PRX: variants seen among roughly 807,000 people sequenced by gnomAD.
The protein encoded by PRX is periaxin.
PRX carries 24 observed loss-of-function variants against 29.6 expected under a neutral mutation model. The ratio of observed to expected loss-of-function variants is 0.81; its 90% CI spans 0.59 to 1.14. The LOEUF is 1.14. Ranked by LOEUF, PRX falls within the 50% of genes most tolerant of loss-of-function variation. The probability of loss-of-function intolerance (pLI) is 0.00; values close to 1 mark genes in which losing one functional copy is unlikely to be tolerated. For missense variants in PRX, 1,838 were observed against 1,926.4 expected (o/e 0.95, Z 0.86); for synonymous variants, 772 against 831.7 (o/e 0.93, Z 1.24).
chr19:40,396,456 A>T lies in PRX; in HGVS notation c.1896T>A (p.Pro632=), dbSNP rs2079438098. 6.2e-7 allele frequency: 1 copy of T among 1,610,228 alleles called. No homozygotes were observed. Among genetic ancestry groups the T allele is most frequent in the African/African-American group, 1.4e-5 (1 of 73,436 alleles). ...GTTTCACCTCAGGGAGTTTCATCTC[A>T]GGGAGCTTCATCTCTGGGACTTTTG... The part of the protein sequence containing the change: ...QLPKVPEMKL[P]EMKLPEVKLP... The change falls in exon 7 of 7, where the codon CCT becomes CCA. Residue 632 remains proline (P), a synonymous_variant. Coordinates refer to ENST00000324001, the MANE Select transcript of PRX (RefSeq NM_181882.3).
In PRX at chr19:40,403,786, G is replaced by A. The variant is rs138047753; in HGVS notation, c.104C>T (p.Ala35Val). The A allele has an allele frequency of 1.4e-5, 23 of 1,606,328 alleles. No homozygotes were observed. The highest frequency in any genetic ancestry group is 8.4e-5 in the Admixed American group (5 of 59,402). ...AQTGVSGINV[A>V]GGGKEGIFVR... ...GAAGATTCCCTCTTTGCCGCCGCCC[G>A]CTACGTTGATGCCGCTGACCCCGGT... Residue 35 changes from alanine (A) to valine (V), a missense_variant, in exon 5 of 7, where the codon GCG (alanine) becomes GTG (valine). Ala to Val is a moderately conservative substitution (Grantham distance 64). Transcript: ENST00000324001.
chr19:40,404,484 A>G (rs962467520), intron 4 of PRX, among the ~76,000 whole-genome samples: 2 of 152,048 alleles, frequency 1.3e-5, no homozygotes, highest in African/African-American at 4.8e-5. Flanking sequence ...GAAGAGCCAA[A>G]TGGGGTATAG....
chr19:40,405,355 G>A (rs1447549796), intron 4 of PRX, among the ~76,000 whole-genome samples: 2 of 152,108 alleles, frequency 1.3e-5, no homozygotes, highest in African/African-American at 4.8e-5. Flanking sequence ...GGTAACATAG[G>A]CATACTGGAA....
intron 4 of PRX, among the ~76,000 whole-genome samples, chr19:40,404,989 G>A (rs1954639246): frequency 6.6e-6 from 1 of 152,144 alleles, no homozygotes; most frequent in African/African-American, 2.4e-5. Flanking sequence ...GGACCTTCAA[G>A]CCCTCTGGGA....
At position 40,403,829 on chromosome 19, in the gene PRX, CG is replaced by C; in HGVS notation, c.60del (p.Ile20MetfsTer15). On this transcript the variant is annotated frameshift_variant, in exon 5 of 7. Coordinates refer to ENST00000324001, the MANE Select transcript of PRX (RefSeq NM_181882.3). LOFTEE classifies it high-confidence loss of function. Reference sequence around the variant, plus strand: ...ACCCCGGTCTGCGCCTCCGTCTCCACGATAATTTCCACCAACTCCGCCCGCC... The same window carrying C: ...ACCCCGGTCTGCGCCTCCGTCTCCACATAATTTCCACCAACTCCGCCCGCC... ...ELRRAELVEI[I>X]VETEAQTGVS... 6.2e-7 allele frequency: 1 copy of C among 1,606,502 alleles called. No homozygotes were observed. Among genetic ancestry groups the C allele is most frequent in the Non-Finnish European group, 8.5e-7 (1 of 1,178,484 alleles).
Position 40,395,353 on chromosome 19 carries a change from G to A in PRX, c.2999C>T (p.Ala1000Val), listed in dbSNP as rs765924621. The change falls in exon 7 of 7, where the codon GCC (alanine) becomes GTC (valine). Residue 1000 changes from alanine to valine, a missense_variant. Physicochemically the swap from Ala to Val is moderately conservative, Grantham distance 64. Around this residue, in one of 3 missense-constraint regions of PRX, gnomAD observed 1,143 missense variants for 1,193.0 expected, o/e 0.96. Transcript: ENST00000324001. ...DLSIPQLSLD[A>V]HLPSGKVEVA... ...CTCTACCTTGCCTGAGGGCAGGTGG[G>A]CATCCAGGCTGAGCTGTGGGATGGA... The A allele has an allele frequency of 1.0e-4, 165 of 1,613,496 alleles. No homozygotes were observed. Among genetic ancestry groups the A allele is most frequent in the Non-Finnish European group, 1.4e-4 (161 of 1,180,012 alleles).
chr19:40,401,168 A>AAT lies in PRX; in HGVS notation c.185-2354_185-2353dup, dbSNP rs2079491441. On this transcript the variant is annotated intron_variant, in intron 5 of 6. Coordinates refer to ENST00000324001, the MANE Select transcript of PRX (RefSeq NM_181882.3). ...TCCTTCAAAATATATTCAGAATCCAAATATATATATACCTCCAAAACCCTT... is the reference window on the plus strand; with the variant it reads ...TCCTTCAAAATATATTCAGAATCCAAATATATATATATACCTCCAAAACCCTT... Among the ~76,000 whole-genome samples the AAT allele has an allele frequency of 3.3e-5, 5 of 152,138 alleles. No individual in the cohort carries two copies. The South Asian group carries it at 8.3e-4, about 25-fold the overall frequency.
chr19:40,398,901 G>A lies in PRX; in HGVS notation c.185-85C>T, dbSNP rs549250608. On this transcript the variant is annotated intron_variant, in intron 5 of 6. Coordinates refer to ENST00000324001, the MANE Select transcript of PRX (RefSeq NM_181882.3). The surrounding 1 kb of genome is among the most constrained non-coding windows in gnomAD (Gnocchi z 6.3). ...TTCTGCCCACTTGCACGGAGCCCTC[G>A]CGGTGAGGACCCGCCCCAAATTTTA... 4.4e-6 allele frequency: 7 copies of A among 1,592,394 alleles called. No homozygotes were observed. The Admixed American group carries it at 6.9e-5, about 16-fold the overall frequency.
intron 1 of PRX, among the ~76,000 whole-genome samples, chr19:40,409,743 A>G (rs1363282030): frequency 2.0e-5 from 3 of 152,124 alleles, no homozygotes; most frequent in Non-Finnish European, 4.4e-5. Flanking sequence ...AAGTGCTGGG[A>G]TTACAGGCAT....
chr19:40,413,962 TG>T (rs2079570711), upstream of PRX, among the ~76,000 whole-genome samples: 1 of 152,198 alleles, frequency 6.6e-6, no homozygotes, highest in Non-Finnish European at 1.5e-5. Context: ...CTCATCTTGC[TG>T]GGGGGTTTTG....
At chr19:40,401,066 C>T (rs1469247392) in intron 5 of PRX, among the ~76,000 whole-genome samples, 3 of 152,084 alleles carry the variant, frequency 2.0e-5, no homozygotes, top group African/African-American at 7.2e-5. Flanking sequence ...GCAACTCCAT[C>T]CTCAGGTCAA....
At position 40,397,646 on chromosome 19, in the gene PRX, G is replaced by A. The variant is rs368665724; in HGVS notation, c.706C>T (p.Leu236=). Residue 236 remains leucine (L), a synonymous_variant, in exon 7 of 7, where the codon CTG becomes TTG. Coordinates refer to ENST00000324001, the MANE Select transcript of PRX (RefSeq NM_181882.3). ...GCCCCTGGCAGCCGCGGCCCAACCA[G>A]CTCCACCTGAGGGGCTGTGAAACGA... is the stretch of plus-strand genomic sequence containing the variant. The part of the protein sequence containing the change: ...GARFTAPQVE[L]VGPRLPGAEV... 7 of 1,547,592 alleles carry A rather than the reference G, an allele frequency of 4.5e-6. No individual in the cohort carries two copies. The African/African-American group carries it at 9.5e-5, about 21-fold the overall frequency.
chr19:40,395,106 G>A lies in PRX; in HGVS notation c.3246C>T (p.Ser1082=). The part of the protein sequence containing the change: ...KEAEVQGDRA[S]PGEKAESTAV... ...CGGTGGACTCAGCCTTTTCCCCCGG[G>A]CTGGCACGATCACCTTGAACTTCTG... Residue 1082 remains serine (S), a synonymous_variant, in exon 7 of 7, where the codon AGC becomes AGT. Coordinates refer to ENST00000324001, the MANE Select transcript of PRX (RefSeq NM_181882.3). 6 of 1,613,884 alleles carry A rather than the reference G, an allele frequency of 3.7e-6. No individual in the cohort carries two copies. The highest frequency in any genetic ancestry group is 5.1e-6 in the Non-Finnish European group (6 of 1,180,000).
At position 40,395,356 on chromosome 19, in the gene PRX, T is replaced by A; in HGVS notation, c.2996A>T (p.Asp999Val). The A allele has an allele frequency of 1.2e-6, 2 of 1,613,776 alleles. No individual in the cohort carries two copies. Among genetic ancestry groups the A allele is most frequent in the Non-Finnish European group, 1.7e-6 (2 of 1,180,014 alleles). ...TACCTTGCCTGAGGGCAGGTGGGCATCCAGGCTGAGCTGTGGGATGGACAG... is the reference window on the plus strand; with the variant it reads ...TACCTTGCCTGAGGGCAGGTGGGCAACCAGGCTGAGCTGTGGGATGGACAG... ...LDLSIPQLSL[D>V]AHLPSGKVEV... Residue 999 changes from aspartate to valine, a missense_variant, in exon 7 of 7, where the codon GAT becomes GTT. Asp to Val is a radical substitution (Grantham distance 152). This residue lies in a region of PRX where 1,143 missense variants were observed against 1,193.0 expected (regional missense o/e 0.96). Transcript: ENST00000324001.
chr19:40,409,524 G>C (rs1256026361), intron 1 of PRX, among the ~76,000 whole-genome samples: 1 of 151,290 alleles, frequency 6.6e-6, no homozygotes, highest in African/African-American at 2.4e-5. Context: ...CCAAGCTGGA[G>C]TGAAGTGGTG....
chr19:40,407,887 A>G lies in PRX; in HGVS notation c.27+19T>C, dbSNP rs534546929. The G allele has an allele frequency of 6.2e-7, 1 of 1,613,162 alleles. No homozygotes were observed. Among genetic ancestry groups the G allele is most frequent in the Admixed American group, 1.7e-5 (1 of 60,020 alleles). ...CCCATTGCCCTCAAGTGCGCCTTGC[A>G]GGACACGTGGGCACTCACCTCGGCA... On this transcript the variant is annotated intron_variant, in intron 4 of 6. Coordinates refer to ENST00000324001, the MANE Select transcript of PRX (RefSeq NM_181882.3).
In PRX at chr19:40,397,546, T is replaced by G. The variant is rs1477123167; in HGVS notation, c.806A>C (p.His269Pro). ...SAEAAGGFAL[H>P]LPTLGLGAPA... ...GGCTCCGAGCCCAAGGGTTGGCAGG[T>G]GGAGGGCAAAGCCACCAGCTGCCTC... The change falls in exon 7 of 7, where the codon CAC becomes CCC. Residue 269 changes from histidine to proline, a missense_variant. By Grantham distance (77) the His-to-Pro change is moderately conservative (BLOSUM62 -2). Around this residue, in one of 3 missense-constraint regions of PRX, gnomAD observed 666 missense variants for 665.0 expected, o/e 1.00. Coordinates refer to ENST00000324001, the MANE Select transcript of PRX (RefSeq NM_181882.3). The G allele has an allele frequency of 6.5e-7, 1 of 1,541,114 alleles. No homozygotes were observed. Among genetic ancestry groups the G allele is most frequent in the Non-Finnish European group, 8.7e-7 (1 of 1,145,228 alleles).
intron 1 of PRX, among the ~76,000 whole-genome samples, chr19:40,410,591 G>A (rs1483912678): frequency 6.6e-6 from 1 of 152,144 alleles, no homozygotes; most frequent in Admixed American, 6.5e-5. Flanking sequence ...ACTCCAGCAC[G>A]GGCTGGGCGC....
Position 40,395,757 on chromosome 19 carries a change from A to G in PRX, c.2595T>C (p.Leu865=), listed in dbSNP as rs1274632481. The change falls in exon 7 of 7, where the codon CTT becomes CTC. Residue 865 remains leucine, a synonymous_variant. Coordinates refer to ENST00000324001, the MANE Select transcript of PRX (RefSeq NM_181882.3). The part of the protein sequence containing the change: ...PSVELDLPGA[L]GLQGQVPAAK... ...CGGCTGGGACCTGCCCCTGCAGGCC[A>G]AGTGCTCCTGGCAGGTCTAGCTCCA... 6.2e-7 allele frequency: 1 copy of G among 1,613,558 alleles called. No individual in the cohort carries two copies. The highest frequency in any genetic ancestry group is 8.5e-7 in the Non-Finnish European group (1 of 1,179,990).
Sources: allele counts gnomAD v4.1 joint callset (sites outside exome capture counted in the v4.1 genomes callset), GRCh38; gene constraint gnomAD v4.1.1; regional missense constraint gnomAD v4.1.1; non-coding constraint Gnocchi (gnomAD v3.1); transcripts MANE v1.5; gene names NCBI Gene and HGNC (gene_info 2026-07-23, HGNC 2026-07-21).